The following ZNF600 variants were observed in gnomAD, a reference collection of about 807,000 sequenced individuals.
ZNF600 encodes zinc finger protein KR-ZNF1.
In ZNF600, 4 loss-of-function variants were observed where a neutral mutation model predicts 7.3. That is an observed-to-expected ratio of 0.55 (90% CI 0.27 to 1.25). The LOEUF (loss-of-function observed/expected upper bound fraction) is 1.25. Among genes scored for constraint, ZNF600 ranks in the 50% most tolerant of loss-of-function variants. ZNF600 has a pLI of 0.12. For missense variants in ZNF600, 911 were observed against 922.1 expected (o/e 0.99, Z 0.16); for synonymous variants, 290 against 308.9 (o/e 0.94, Z 0.64).
upstream of ZNF600, among the ~76,000 whole-genome samples, chr19:52,787,570 A>G (rs1345706258): frequency 6.6e-6 from 1 of 150,398 alleles, no homozygotes; most frequent in East Asian, 2.0e-4. Context: ...AACCCAAACA[A>G]AAACAAGACC....
chr19:52,817,867 G>C, the ZNF600 span: 3 of 1,601,984 alleles, frequency 1.9e-6, no homozygotes, highest in Admixed American at 1.7e-5. Flanking sequence ...TTCAGACTCA[G>C]AGAAGACTCC....
intron 3 of ZNF600, among the ~76,000 whole-genome samples, chr19:52,772,704 C>T (rs1600382566): frequency 6.6e-6 from 1 of 152,288 alleles, no homozygotes; most frequent in Non-Finnish European, 1.5e-5. Flanking sequence ...GACATGACCC[C>T]AGTTTGCACG....
At chr19:52,774,489 A>G (rs2062656722) in intron 3 of ZNF600, 86 bp downstream of exon 5, 2 of 983,884 alleles carry the variant, frequency 2.0e-6, no homozygotes, top group African/African-American at 3.5e-5. Context: ...GCATGGGGCA[A>G]AATCACAAAA....
chr19:52,781,665 C>T (rs9630875), intron 1 of ZNF600, among the ~76,000 whole-genome samples: 34,410 of 151,834 alleles, frequency 0.23, 5,009 homozygotes, highest in African/African-American at 0.41. Flanking sequence ...ACCTGGGAGG[C>T]TGACGCAAGA....
At chr19:52,801,678 TTCA>T in the ZNF600 span, 12 of 1,611,306 alleles carry the variant, frequency 7.4e-6, no homozygotes, top group Non-Finnish European at 1.7e-6. Flanking sequence ...GAAGAATGTC[TTCA>T]TCATGCATTT....
At chr19:52,820,651 C>T in the ZNF600 span, among the ~76,000 whole-genome samples, 14,150 of 151,000 alleles carry the variant, frequency 0.094, 448 homozygotes, top group South Asian at 0.18. Context: ...CTCCACATCC[C>T]TCCTCCTCTC....
the ZNF600 span, chr19:52,801,431 A>C: frequency 1.2e-6 from 2 of 1,614,206 alleles, no homozygotes; most frequent in Non-Finnish European, 1.7e-6. Flanking sequence ...ATCCAAGCTG[A>C]TCTTTAATAT....
At chr19:52,794,036 G>A in the ZNF600 span, among the ~76,000 whole-genome samples, 1 of 152,084 alleles carries the variant, frequency 6.6e-6, no homozygotes, top group Non-Finnish European at 1.5e-5. Flanking sequence ...TTATGGACAC[G>A]TGAAGGTGGA....
exon 4 of ZNF600, chr19:52,766,992 A>G (rs2062587506): frequency 1.4e-5 from 23 of 1,614,160 alleles, no homozygotes; most frequent in Non-Finnish European, 1.9e-5. Context: ...ATTTTGACCA[A>G]AGATCTTGCC....
chr19:52,825,410 C>G, the ZNF600 span, among the ~76,000 whole-genome samples: 1 of 152,104 alleles, frequency 6.6e-6, no homozygotes, highest in African/African-American at 2.4e-5. Context: ...CTCAGTGGCT[C>G]ACGCATGTAA....
intron 2 of ZNF600, among the ~76,000 whole-genome samples, chr19:52,778,151 T>G (rs2147545223): frequency 6.6e-6 from 1 of 152,080 alleles, no homozygotes; most frequent in East Asian, 1.9e-4. Flanking sequence ...GTAGATGAGA[T>G]TACAGGCATG....
the ZNF600 span, chr19:52,798,612 C>A: frequency 4.6e-6 from 2 of 437,582 alleles, no homozygotes; most frequent in South Asian, 1.6e-5. Context: ...GTGAGTTTCT[C>A]TCCTGTATGA....
intron 3 of ZNF600, among the ~76,000 whole-genome samples, chr19:52,769,064 ATG>A (rs2062611678): frequency 6.6e-6 from 1 of 152,162 alleles, no homozygotes; most frequent in Non-Finnish European, 1.5e-5. Flanking sequence ...TCTGGCAGTG[ATG>A]CCAGCGTCTG....
intron 2 of ZNF600, 22 bp from the exon 5 acceptor site, chr19:52,774,723 C>A (rs867870822): frequency 8.1e-5 from 80 of 985,380 alleles, no homozygotes; most frequent in South Asian, 5.6e-4. Context: ...CACACATTTC[C>A]ACAAAACATT....
In ZNF600 at chr19:52,766,943, T is replaced by C. The variant is rs147518421; in HGVS notation, c.1020A>G (p.Glu340=). The C allele has an allele frequency of 3.7e-4, 602 of 1,613,932 alleles. 6 individuals are homozygous for C. The East Asian group carries it at 0.013, about 36-fold the overall frequency. ...CACATTCATTACACTTGTAAGGTTT[T>C]TCTCCAGTATGAATTGCCTTATGAA... Residue 340 remains glutamate, a synonymous_variant, in exon 4 of 4, where the codon GAA becomes GAG. Coordinates refer to ENST00000648973, the Ensembl canonical transcript of ZNF600.
At chr19:52,815,202 G>T in the ZNF600 span, among the ~76,000 whole-genome samples, 1 of 143,660 alleles carries the variant, frequency 7.0e-6, no homozygotes, top group Non-Finnish European at 1.5e-5. Flanking sequence ...GGCAGTGGGA[G>T]GAAGGAGAGG....
chr19:52,833,020 C>T, the ZNF600 span, among the ~76,000 whole-genome samples: 2 of 152,254 alleles, frequency 1.3e-5, no homozygotes, highest in East Asian at 1.9e-4. Flanking sequence ...GATCCACCTG[C>T]CTTGGCTCCC....
chr19:52,822,786 A>G, the ZNF600 span, among the ~76,000 whole-genome samples: 3 of 152,176 alleles, frequency 2.0e-5, no homozygotes, highest in Non-Finnish European at 4.4e-5. Context: ...GTTTTACAAC[A>G]TGGAGGCAGG....
chr19:52,791,222 A>G (rs2062790103), upstream of ZNF600, among the ~76,000 whole-genome samples: 1 of 152,226 alleles, frequency 6.6e-6, no homozygotes, highest in South Asian at 2.1e-4. Flanking sequence ...GTGCAGCAGC[A>G]CTGACACCAC....
Sources: gnomAD v4.1 joint callset for allele counts (sites outside exome capture counted in the v4.1 genomes callset) on GRCh38, gnomAD v4.1.1 for gene constraint, MANE v1.5 for transcripts, NCBI Gene and HGNC (gene_info 2026-07-23, HGNC 2026-07-21) for gene names.